Variants in PRRC2A observed in about 807,000 individuals in gnomAD.
The protein encoded by PRRC2A is protein PRRC2A.
In PRRC2A, 59 loss-of-function variants were observed where a neutral mutation model predicts 224.6. The observed-to-expected ratio is 0.26, with a 90% CI of 0.21 to 0.33. The LOEUF (loss-of-function observed/expected upper bound fraction) is 0.33. Ranked by LOEUF, PRRC2A falls within the 10% of genes least tolerant of loss-of-function variation. The pLI, the probability that PRRC2A is intolerant of heterozygous loss-of-function variation, is 1.00. For missense variants in PRRC2A, 3,095 were observed against 2,880.7 expected (o/e 1.07, Z -1.70); for synonymous variants, 1,194 against 1,109.5 (o/e 1.08, Z -1.51).
At position 31,625,677 on chromosome 6, in the gene PRRC2A, A is replaced by T; in HGVS notation, c.759+66A>T. On this transcript the variant is annotated intron_variant, in intron 7 of 30. Coordinates refer to ENST00000376033, the MANE Select transcript of PRRC2A (RefSeq NM_004638.4). The surrounding 1 kb of genome is among the most constrained non-coding windows in gnomAD (Gnocchi z 4.1). The stretch of plus-strand genomic sequence containing the variant: ...GCTGGAGAGCTAGGAATCAGGACTT[A>T]GTCTTTGACCTATGAGATAGAAGGG... The T allele has an allele frequency of 1.3e-6, 2 of 1,598,774 alleles. No individual in the cohort carries two copies. Among genetic ancestry groups the T allele is most frequent in the South Asian group, 1.1e-5 (1 of 90,642 alleles).
chr6:31,633,129 A>G lies in PRRC2A; in HGVS notation c.4319+137A>G, dbSNP rs146177007. On this transcript the variant is annotated intron_variant, in intron 16 of 30. Transcript: ENST00000376033. ...GCTCTAGAATGTCAGTAGGATTTCC[A>G]TGTCTGGCTAAGGCAACTGGAAAGC... 2,275 of 1,284,160 alleles carry G rather than the reference A, an allele frequency of 1.8e-3. 15 individuals carry two copies. The highest frequency in any genetic ancestry group is 0.013 in the African/African-American group (856 of 66,640). The allele number at this position is 1,284,160 out of a possible 1,614,324, so 79.5% of individuals were successfully genotyped here. A position where few individuals can be genotyped will look rare whatever the true frequency, so the allele number is the denominator to read the frequency against.
At position 31,629,789 on chromosome 6, in the gene PRRC2A, G is replaced by T. The variant is rs778791046; in HGVS notation, c.2198G>T (p.Arg733Leu). ...WMMIPPYVDP[R>L]LLQGRPPLDF... The stretch of plus-strand genomic sequence containing the variant: ...ATGATTCCTCCTTATGTGGACCCCC[G>T]GCTCCTCCAGGGTCGTCCCCCTCTA... The change falls in exon 14 of 31, where the codon CGG becomes CTG. Residue 733 changes from arginine (R) to leucine (L), a missense_variant. Coordinates refer to ENST00000376033, the MANE Select transcript of PRRC2A (RefSeq NM_004638.4). 3.1e-6 allele frequency: 5 copies of T among 1,613,174 alleles called. No homozygotes were observed. Among genetic ancestry groups the T allele is most frequent in the Non-Finnish European group, 8.5e-7 (1 of 1,179,686 alleles).
rs774895716 is a variant in PRRC2A at position 31,625,820 on chromosome 6, C to T, written c.788C>T (p.Pro263Leu). The change falls in exon 8 of 31, where the codon CCG becomes CTG. Residue 263 changes from proline (P) to leucine (L), a missense_variant. Transcript: ENST00000376033. The surrounding 1 kb of genome is among the most constrained non-coding windows in gnomAD (Gnocchi z 4.1). ...TATCCCCCATATCTCCCGTTCCCTC[C>T]GCCCTATGGACCCCAGGGGCCTTAC... ...FMYPPYLPFP[P>L]PYGPQGPYRY... The T allele has an allele frequency of 1.6e-5, 26 of 1,587,458 alleles. No individual in the cohort carries two copies. The highest frequency in any genetic ancestry group is 1.7e-4 in the Middle Eastern group (1 of 6,048).
intron 30 of PRRC2A, 27 bp downstream of exon 30, chr6:31,637,351 A>G (rs747259289): frequency 6.9e-6 from 11 of 1,603,640 alleles, no homozygotes; most frequent in Middle Eastern, 1.6e-4. Flanking sequence ...TGTGGCCCCA[A>G]CTCTAAATTC....
chr6:31,632,570 T>G lies in PRRC2A; in HGVS notation c.3897T>G (p.Pro1299=), dbSNP rs1325353495. The part of the protein sequence containing the change: ...ALTTVTVAPA[P]RRAAAKSPDL... ...CAACAGTCACAGTGGCCCCAGCACC[T>G]CGCCGGGCAGCTGCCAAGTCTCCTG... The change falls in exon 16 of 31, where the codon CCT becomes CCG. Residue 1299 remains proline, a synonymous_variant. Transcript: ENST00000376033. 1.9e-6 allele frequency: 3 copies of G among 1,612,570 alleles called. No individual in the cohort carries two copies. Among genetic ancestry groups the G allele is most frequent in the South Asian group, 2.2e-5 (2 of 91,056 alleles).
intron 12 of PRRC2A, chr6:31,628,552 A>C (rs1210560921): frequency 2.3e-6 from 1 of 428,522 alleles, no homozygotes; most frequent in Non-Finnish European, 4.1e-6. Context: ...CAACAAAGCA[A>C]GACCCTGTCG....
At position 31,636,955 on chromosome 6, in the gene PRRC2A, A is replaced by C. The variant is rs777125358; in HGVS notation, c.6147+10A>C. On this transcript the variant is annotated intron_variant, in intron 28 of 30. Transcript: ENST00000376033. The surrounding 1 kb of genome is among the most constrained non-coding windows in gnomAD (Gnocchi z 4.3). ...CTTGGGGCGAGCAGAGGTAAGGTAC[A>C]GGAACTGAGGGGCTAGGGAGCGCCA... 5.6e-6 allele frequency: 9 copies of C among 1,609,604 alleles called. No homozygotes were observed. Among genetic ancestry groups the C allele is most frequent in the Non-Finnish European group, 7.6e-6 (9 of 1,177,558 alleles).
At chr6:31,626,675 T>C (rs912009580) in intron 9 of PRRC2A, 97 bp from the exon 10 acceptor site, 30 of 1,057,410 alleles carry the variant, frequency 2.8e-5, no homozygotes, top group Admixed American at 7.1e-5. Flanking sequence ...GGGAAGGATA[T>C]TGGCATTGGT....
rs758703496 is a variant in PRRC2A at position 31,625,716 on chromosome 6, G to T, written c.760-76G>T. On this transcript the variant is annotated intron_variant, in intron 7 of 30. Coordinates refer to ENST00000376033, the MANE Select transcript of PRRC2A (RefSeq NM_004638.4). The surrounding 1 kb of genome is among the most constrained non-coding windows in gnomAD (Gnocchi z 4.1). ...GAGATAGAAGGGAGGGTGGGAGGAT[G>T]ATTGATAGCAGGCTTAAGGAGCTAG... 24 of 1,575,598 alleles carry T rather than the reference G, an allele frequency of 1.5e-5. No homozygotes were observed. The highest frequency in any genetic ancestry group is 2.1e-5 in the Non-Finnish European group (24 of 1,145,170).
chr6:31,620,730 G>C lies in PRRC2A; in HGVS notation c.-229G>C, dbSNP rs1775145217. On this transcript the variant is annotated 5_prime_UTR_variant, in exon 1 of 31. Coordinates refer to ENST00000376033, the MANE Select transcript of PRRC2A (RefSeq NM_004638.4). ...ATGGGCCGTTAGTCGGGGCTCAGCCGCGGAGTGAGCGAGGGAGACGGGAGG... is the reference window on the plus strand; with the variant it reads ...ATGGGCCGTTAGTCGGGGCTCAGCCCCGGAGTGAGCGAGGGAGACGGGAGG... 1 of 152,182 alleles carries C rather than the reference G, an allele frequency of 6.6e-6. No homozygotes were observed. The highest frequency in any genetic ancestry group is 6.5e-5 in the Admixed American group (1 of 15,284). 9.4% of individuals were successfully genotyped at this position (152,182 alleles called of 1,614,324 possible). A position where few individuals can be genotyped will look rare whatever the true frequency, so the allele number is the denominator to read the frequency against.
chr6:31,622,060 A>ATAT (rs1775352845), intron 1 of PRRC2A, among the ~76,000 whole-genome samples: 1 of 152,222 alleles, frequency 6.6e-6, no homozygotes, highest in African/African-American at 2.4e-5. Flanking sequence ...AAAAGATGGG[A>ATAT]TATTTCAAAT....
At position 31,634,967 on chromosome 6, in the gene PRRC2A, G is replaced by A. The variant is rs1777142555; in HGVS notation, c.5150G>A (p.Gly1717Glu). The change falls in exon 21 of 31, where the codon GGG (glycine) becomes GAG (glutamate). Residue 1717 changes from glycine (G) to glutamate (E), a missense_variant. Transcript: ENST00000376033. ...AGACCACCACCTGCCCCCCACGATG[G>A]GGACAGAAAGGTAAAAGACCAAAAA... ...PRRPPPAPHD[G>E]DRKELPREQP... The A allele has an allele frequency of 4.3e-6, 7 of 1,612,160 alleles. No individual in the cohort carries two copies. The highest frequency in any genetic ancestry group is 5.9e-6 in the Non-Finnish European group (7 of 1,179,542).
Position 31,633,623 on chromosome 6 carries a change from A to G in PRRC2A, c.4564A>G (p.Arg1522Gly). 6.2e-7 allele frequency: 1 copy of G among 1,611,834 alleles called. No individual in the cohort carries two copies. Among genetic ancestry groups the G allele is most frequent in the Non-Finnish European group, 8.5e-7 (1 of 1,179,270 alleles). The change falls in exon 17 of 31, where the codon AGG (arginine) becomes GGG (glycine). Residue 1522 changes from arginine (R) to glycine (G), a missense_variant. Around this residue, in one of 8 missense-constraint regions of PRRC2A, gnomAD observed 2,001 missense variants for 1,764.9 expected, o/e 1.13. Coordinates refer to ENST00000376033, the MANE Select transcript of PRRC2A (RefSeq NM_004638.4). Reference protein sequence around the residue: ...PRPPTRYEPQRVNSGLSSDPH... With the variant: ...PRPPTRYEPQGVNSGLSSDPH... ...GCCCCCAACCCGATACGAGCCCCAG[A>G]GGGTCAACAGCGGCCTCAGTTCTGG...
chr6:31,624,145 G>A, intron 3 of PRRC2A, 116 bp from the exon 4 acceptor site: 1 of 1,177,346 alleles, frequency 8.5e-7, no homozygotes. Flanking sequence ...AAATTAATTT[G>A]TCCTTATATT....
chr6:31,628,341 T>G, intron 12 of PRRC2A, 102 bp downstream of exon 12: 1 of 1,451,168 alleles, frequency 6.9e-7, no homozygotes, highest in Non-Finnish European at 9.0e-7. Context: ...TAGAAGGCAG[T>G]TGTTTTGGTT....
Position 31,636,816 on chromosome 6 carries a change from C to G in PRRC2A, c.6018C>G (p.Pro2006=), listed in dbSNP as rs772196180. ...LPPAPPPAPP[P]LSLLPVGPAL... ...CAGCACCACCTCCTGCCCCACCTCC[C>G]CTTTCTCTGTTACCTGTGGGCCCTG... The change falls in exon 28 of 31, where the codon CCC becomes CCG. Residue 2006 remains proline (P), a synonymous_variant. Transcript: ENST00000376033. This position sits in a 1 kb window ranked among gnomAD's most constrained non-coding sequence, Gnocchi z 4.3. 6.2e-6 allele frequency: 10 copies of G among 1,611,240 alleles called. No homozygotes were observed. In the Admixed American group the frequency reaches 1.2e-4, roughly 19 times the overall value.
Position 31,631,546 on chromosome 6 carries a change from C to T in PRRC2A, c.2873C>T (p.Pro958Leu), listed in dbSNP as rs1336130063. Residue 958 changes from proline to leucine, a missense_variant, in exon 16 of 31, where the codon CCT becomes CTT. Physicochemically the swap from Pro to Leu is moderately conservative, Grantham distance 98. This residue lies in a region of PRRC2A where 2,001 missense variants were observed against 1,764.9 expected (regional missense o/e 1.13). Transcript: ENST00000376033. This position sits in a 1 kb window ranked among gnomAD's most constrained non-coding sequence, Gnocchi z 4.5. ...RAGPIKKPPP[P>L]TKVEELPPKP... is the part of the protein sequence containing the mutation. ...GGGCCTATAAAGAAACCTCCACCAC[C>T]TACAAAAGTAGAAGAGCTGCCTCCC... 3 of 1,594,284 alleles carry T rather than the reference C, an allele frequency of 1.9e-6. No individual in the cohort carries two copies. The highest frequency in any genetic ancestry group is 2.6e-6 in the Non-Finnish European group (3 of 1,173,716).
chr6:31,634,124 T>C, intron 18 of PRRC2A, 112 bp from the exon 19 acceptor site: 6 of 1,565,142 alleles, frequency 3.8e-6, no homozygotes, highest in Non-Finnish European at 5.2e-6. Context: ...TAGTCTCCCA[T>C]GTGTCTCCCT....
At position 31,634,951 on chromosome 6, in the gene PRRC2A, C is replaced by T. The variant is rs767769984; in HGVS notation, c.5134C>T (p.Pro1712Ser). Residue 1712 changes from proline (P) to serine (S), a missense_variant, in exon 21 of 31, where the codon CCT becomes TCT. Transcript: ENST00000376033. ...PGSEPPRRPP[P>S]APHDGDRKEL... The stretch of plus-strand genomic sequence containing the variant: ...CTCTGAACCTCCTAGGAGACCACCA[C>T]CTGCCCCCCACGATGGGGACAGAAA... 1 of 1,612,730 alleles carries T rather than the reference C, an allele frequency of 6.2e-7. No homozygotes were observed.
Sources: gnomAD v4.1 joint callset for allele counts (sites outside exome capture counted in the v4.1 genomes callset) on GRCh38, gnomAD v4.1.1 for gene constraint, gnomAD v4.1.1 regional missense constraint, Gnocchi (gnomAD v3.1) non-coding constraint, MANE v1.5 for transcripts, NCBI Gene and HGNC (gene_info 2026-07-23, HGNC 2026-07-21) for gene names.